Variants in PPP2R3A observed in about 807,000 individuals in gnomAD.
PPP2R3A encodes serine/threonine-protein phosphatase 2A regulatory subunit B'' subunit alpha.
Under a neutral mutation model 106.9 loss-of-function variants are expected in PPP2R3A, and 80 were observed. The observed-to-expected ratio is 0.75, with a 90% CI of 0.62 to 0.90. The LOEUF is 0.90. Among genes scored for constraint, PPP2R3A ranks in the 40% least tolerant of loss-of-function variants. The probability of loss-of-function intolerance (pLI) is 0.00; values close to 1 mark genes in which losing one functional copy is unlikely to be tolerated. For missense variants in PPP2R3A, 1,386 were observed against 1,350.4 expected, an observed-to-expected ratio of 1.03 and a Z score of -0.41; for synonymous variants, 483 against 468.3, an observed-to-expected ratio of 1.03 and a Z score of -0.41.
chr3:136,036,196 AC>A (rs199881901), intron 3 of PPP2R3A, among the ~76,000 whole-genome samples: 1,656 of 152,054 alleles, frequency 0.011, 25 homozygotes, highest in African/African-American at 0.033. Context: ...TTAATAACTA[AC>A]CTTCTGAATT....
At chr3:136,027,742 C>T (rs984135436) in intron 3 of PPP2R3A, among the ~76,000 whole-genome samples, 3 of 152,074 alleles carry the variant, frequency 2.0e-5, no homozygotes, top group Non-Finnish European at 2.9e-5. Context: ...TATAGCAGTG[C>T]TTTGTTTTGT....
chr3:136,021,265 A>G (rs1481865552), intron 2 of PPP2R3A, among the ~76,000 whole-genome samples: 1 of 151,954 alleles, frequency 6.6e-6, no homozygotes, highest in Non-Finnish European at 1.5e-5. Flanking sequence ...AAGAATTAAC[A>G]TGGAAGCCCA....
intron 1 of PPP2R3A, among the ~76,000 whole-genome samples, chr3:135,999,372 A>G (rs983121633): frequency 1.3e-5 from 2 of 152,184 alleles, no homozygotes; most frequent in South Asian, 2.1e-4. Flanking sequence ...TCTTAGACGC[A>G]GGACTGCATG....
At position 135,974,194 on chromosome 3, in the gene PPP2R3A, T is replaced by A. The variant is rs553649949; in HGVS notation, c.-441+8345T>A. ...TTTTGCTAGTTCCTCATGATCTTCC[T>A]GACGCCTAAAAGTTGGAGCATTACA... On this transcript the variant is annotated intron_variant, in intron 1 of 13. Coordinates refer to ENST00000264977, the MANE Select transcript of PPP2R3A (RefSeq NM_002718.5). Among the ~76,000 whole-genome samples, 3 of 152,362 alleles carry A rather than the reference T, an allele frequency of 2.0e-5. No homozygotes were observed. In the East Asian group the frequency reaches 5.8e-4, roughly 29 times the overall value.
At chr3:136,107,774 C>T (rs1326373849) in intron 13 of PPP2R3A, among the ~76,000 whole-genome samples, 1 of 152,104 alleles carries the variant, frequency 6.6e-6, no homozygotes, top group African/African-American at 2.4e-5. Context: ...TCATCGTGCA[C>T]TCAGTATCTT....
intron 3 of PPP2R3A, among the ~76,000 whole-genome samples, chr3:136,032,559 G>A (rs543734824): frequency 3.0e-4 from 44 of 147,066 alleles, no homozygotes; most frequent in African/African-American, 1.0e-3. Context: ...ACGGAGTCTC[G>A]CTCTGTCGCC....
Position 136,002,009 on chromosome 3 carries a change from G to T in PPP2R3A, c.511G>T (p.Ala171Ser), listed in dbSNP as rs6779903. ...LCGHYNNDGNAPSFGLLRSSS... is the reference protein window; with the variant it reads ...LCGHYNNDGNSPSFGLLRSSS... ...TGGCCATTATAACAACGATGGGAAC[G>T]CCCCATCCTTTGGTTTACTGCGGAG... Residue 171 changes from alanine (A) to serine (S), a missense_variant, in exon 2 of 14, where the codon GCC becomes TCC. Coordinates refer to ENST00000264977, the MANE Select transcript of PPP2R3A (RefSeq NM_002718.5). The T allele has an allele frequency of 0.29, 460,884 of 1,613,636 alleles. 68,852 individuals carry two copies. Among genetic ancestry groups the T allele is most frequent in the African/African-American group, 0.52 (39,137 of 74,908 alleles).
chr3:136,111,492 C>T (rs927765461), intron 13 of PPP2R3A, among the ~76,000 whole-genome samples: 7 of 152,082 alleles, frequency 4.6e-5, no homozygotes, highest in African/African-American at 1.2e-4. Context: ...ACCTAAACTC[C>T]GCTCAAAGTA....
intron 5 of PPP2R3A, among the ~76,000 whole-genome samples, chr3:136,061,702 C>T (rs1398974836): frequency 3.3e-5 from 5 of 151,754 alleles, no homozygotes; most frequent in East Asian, 1.9e-4. Context: ...AGGTGGCTCA[C>T]GAGGTCAGGA....
chr3:136,072,511 G>A (rs779226591), intron 6 of PPP2R3A, among the ~76,000 whole-genome samples: 26 of 152,216 alleles, frequency 1.7e-4, no homozygotes, highest in Non-Finnish European at 1.6e-4. Context: ...GGAATCACTT[G>A]AACCCAGGAG....
chr3:136,064,060 A>G (rs1254869314), intron 5 of PPP2R3A, among the ~76,000 whole-genome samples: 1 of 151,930 alleles, frequency 6.6e-6, no homozygotes, highest in African/African-American at 2.4e-5. Context: ...AATGTGGCAC[A>G]TATACACCAT....
At chr3:136,021,019 G>A (rs1934448242) in intron 2 of PPP2R3A, among the ~76,000 whole-genome samples, 1 of 151,974 alleles carries the variant, frequency 6.6e-6, no homozygotes, top group Non-Finnish European at 1.5e-5. Context: ...TTGAGGAAAG[G>A]GAGCATTCTC....
At chr3:136,103,412 C>T (rs1244143600) in intron 12 of PPP2R3A, 36 bp downstream of exon 12, 2 of 1,422,356 alleles carry the variant, frequency 1.4e-6, no homozygotes, top group Non-Finnish European at 9.9e-7. Flanking sequence ...TTGAGGGCTG[C>T]AGTGTCAGGG....
intron 3 of PPP2R3A, among the ~76,000 whole-genome samples, chr3:136,037,401 C>T (rs867300654): frequency 2.0e-5 from 3 of 152,308 alleles, no homozygotes; most frequent in South Asian, 2.1e-4. Context: ...AACAGAGAAA[C>T]AGTAAGAAAT....
At chr3:136,068,904 C>A (rs753072493) in intron 5 of PPP2R3A, among the ~76,000 whole-genome samples, 6 of 152,168 alleles carry the variant, frequency 3.9e-5, no homozygotes, top group Non-Finnish European at 7.3e-5. Context: ...GGACTCATCA[C>A]TTCTGTGGTT....
intron 5 of PPP2R3A, among the ~76,000 whole-genome samples, chr3:136,063,430 T>A (rs9683334): frequency 0.66 from 100,262 of 152,066 alleles, 35,180 homozygotes; most frequent in African/African-American, 0.9. Flanking sequence ...ATGGGATCTT[T>A]TTAAAGTAAA....
intron 13 of PPP2R3A, among the ~76,000 whole-genome samples, chr3:136,134,262 A>G (rs1938526134): frequency 1.3e-5 from 2 of 152,224 alleles, no homozygotes; most frequent in Admixed American, 6.5e-5. Flanking sequence ...TGGTAAAAGC[A>G]TATTGCCCCA....
At chr3:136,010,482 A>T (rs1934025441) in intron 2 of PPP2R3A, among the ~76,000 whole-genome samples, 1 of 124,236 alleles carries the variant, frequency 8.0e-6, no homozygotes, top group African/African-American at 3.3e-5. Flanking sequence ...GCTGGAGTGC[A>T]GTGGCGGGAT....
rs1938522527 is a variant in PPP2R3A at position 136,134,156 on chromosome 3, A to G, written c.3330-10887A>G. ...GGGAAGACAGACAGATGCAGTTAAA[A>G]TATAGTGTCTTCACTGCTGTCTCAT... On this transcript the variant is annotated intron_variant, in intron 13 of 13. Transcript: ENST00000264977. Among the ~76,000 whole-genome samples the G allele has an allele frequency of 2.0e-5, 3 of 152,320 alleles. No individual in the cohort carries two copies. In the South Asian group the frequency reaches 6.2e-4, roughly 32 times the overall value.
Sources: gnomAD v4.1 joint callset for allele counts (sites outside exome capture counted in the v4.1 genomes callset) on GRCh38, gnomAD v4.1.1 for gene constraint, MANE v1.5 for transcripts, NCBI Gene and HGNC (gene_info 2026-07-23, HGNC 2026-07-21) for gene names.